The following TNPO1 variants were observed in gnomAD, a reference collection of about 807,000 sequenced individuals.
The protein encoded by TNPO1 is transportin 1.
A neutral mutation model predicts 119.5 loss-of-function variants in TNPO1; 8 were observed. The observed-to-expected ratio is 0.07, with a 90% CI of 0.04 to 0.12. The LOEUF (loss-of-function observed/expected upper bound fraction) is 0.12, where lower values mean the gene tolerates loss of function less well. TNPO1 is among the 10% of genes least tolerant of loss of function. The pLI is 1.00. For missense variants in TNPO1, 576 were observed against 1,089.8 expected, an observed-to-expected ratio of 0.53 and a Z score of 6.64; for synonymous variants, 362 against 363.0, an observed-to-expected ratio of 1.00 and a Z score of 0.03.
At chr5:72,844,870 T>G (rs887570246) in intron 1 of TNPO1, among the ~76,000 whole-genome samples, 1 of 152,212 alleles carries the variant, frequency 6.6e-6, no homozygotes, top group African/African-American at 2.4e-5. Context: ...CCAGTCTGGC[T>G]TCTTTACTTC....
At chr5:72,903,810 C>G (rs775464289) in intron 23 of TNPO1, 27 bp downstream of exon 23, 64 of 1,398,252 alleles carry the variant, frequency 4.6e-5, no homozygotes, top group Non-Finnish European at 6.3e-5. Flanking sequence ...TATAATGCAT[C>G]ATCTTGAGAC....
At chr5:72,841,115 C>T (rs1184354628) in intron 1 of TNPO1, among the ~76,000 whole-genome samples, 1 of 111,718 alleles carries the variant, frequency 9.0e-6, no homozygotes, top group Non-Finnish European at 2.1e-5. Context: ...TTTAGACTCT[C>T]TCTCTTTTTT....
intron 1 of TNPO1, among the ~76,000 whole-genome samples, chr5:72,835,781 C>T (rs1744670278): frequency 6.6e-6 from 1 of 152,120 alleles, no homozygotes; most frequent in Non-Finnish European, 1.5e-5. Context: ...TAACTCGTTC[C>T]AGCATTAATT....
chr5:72,900,761 G>GA, intron 21 of TNPO1: 1 of 355,570 alleles, frequency 2.8e-6, no homozygotes, highest in East Asian at 4.5e-5. Context: ...AATTTATTAA[G>GA]AAAATGTGGA....
At chr5:72,869,809 G>A (rs1318537341) in intron 6 of TNPO1, among the ~76,000 whole-genome samples, 1 of 152,176 alleles carries the variant, frequency 6.6e-6, no homozygotes, top group African/African-American at 2.4e-5. Flanking sequence ...GTATCAGACA[G>A]ATCTAATTAA....
intron 5 of TNPO1, among the ~76,000 whole-genome samples, chr5:72,862,992 TTGTGTGTGTGTGTGTG>T (rs71614493): frequency 4.1e-5 from 6 of 144,772 alleles, no homozygotes; most frequent in Non-Finnish European, 9.0e-5. Context: ...CTGTGGGTTT[TTGTGTGTGTGTGTGTG>T]TGTGTGTGTG....
chr5:72,858,054 T>C (rs574366728), intron 4 of TNPO1, among the ~76,000 whole-genome samples: 1 of 152,380 alleles, frequency 6.6e-6, no homozygotes, highest in East Asian at 1.9e-4. Context: ...AAGTAGATAC[T>C]TAAGTATTCT....
chr5:72,887,045 A>T (rs1223131378), intron 11 of TNPO1, 25 bp from the exon 12 acceptor site: 1 of 1,592,340 alleles, frequency 6.3e-7, no homozygotes, highest in Non-Finnish European at 8.5e-7. Flanking sequence ...TTAATGTAAT[A>T]TTTTTGAATT....
chr5:72,830,715 A>G (rs1744419490), intron 1 of TNPO1, among the ~76,000 whole-genome samples: 2 of 152,302 alleles, frequency 1.3e-5, no homozygotes, highest in South Asian at 4.1e-4. Context: ...ACATGAAATT[A>G]TTTTTTAAAT....
chr5:72,893,670 A>G lies in TNPO1; in HGVS notation c.2110A>G (p.Lys704Glu). 1.2e-6 allele frequency: 2 copies of G among 1,614,236 alleles called. No individual in the cohort carries two copies. Among genetic ancestry groups the G allele is most frequent in the Non-Finnish European group, 1.7e-6 (2 of 1,180,042 alleles). Residue 704 changes from lysine (K) to glutamate (E), a missense_variant, in exon 18 of 25, where the codon AAA becomes GAA. Coordinates refer to ENST00000337273, the MANE Select transcript of TNPO1 (RefSeq NM_002270.4). ...TTTTGCCCTGTTAGGTGACCTCACA[A>G]AAGCTTGCTTTCAGCATGTTAAGCC... ...SSFALLGDLT[K>E]ACFQHVKPCI... is the part of the protein sequence containing the mutation.
chr5:72,868,321 A>G (rs558544634), intron 6 of TNPO1, among the ~76,000 whole-genome samples: 1 of 149,352 alleles, frequency 6.7e-6, no homozygotes, highest in Non-Finnish European at 1.5e-5. Context: ...AGTCCCAGCA[A>G]CTCGGGAGGC....
chr5:72,886,593 T>C (rs1485391519), intron 11 of TNPO1, among the ~76,000 whole-genome samples: 2 of 152,158 alleles, frequency 1.3e-5, no homozygotes, highest in Admixed American at 6.5e-5. Context: ...ATAAAAAATA[T>C]TCATCTTAAT....
chr5:72,903,858 CAT>C, intron 23 of TNPO1, 75 bp downstream of exon 23: 1 of 1,039,970 alleles, frequency 9.6e-7, no homozygotes. Flanking sequence ...ATTATGTTTA[CAT>C]TTTTTGTGAA....
At chr5:72,832,145 G>A (rs1744503628) in intron 1 of TNPO1, among the ~76,000 whole-genome samples, 2 of 151,956 alleles carry the variant, frequency 1.3e-5, no homozygotes, top group Admixed American at 1.3e-4. Context: ...AAATGTATAT[G>A]GCTCAATATA....
chr5:72,855,902 C>G lies in TNPO1; in HGVS notation c.334C>G (p.Pro112Ala). ...ECLNNIGDSS[P>A]LIRATVGILI... ...TTTAAATAATATTGGTGACTCCTCT[C>G]CTCTGATTAGAGCCACTGTTGGTAA... Residue 112 changes from proline to alanine, a missense_variant, in exon 4 of 25, where the codon CCT becomes GCT. Pro to Ala is a conservative substitution (Grantham distance 27). This residue lies in a region of TNPO1 where 310 missense variants were observed against 583.0 expected (regional missense o/e 0.53). Transcript: ENST00000337273. 1 of 1,613,616 alleles carries G rather than the reference C, an allele frequency of 6.2e-7. No homozygotes were observed. The highest frequency in any genetic ancestry group is 8.5e-7 in the Non-Finnish European group (1 of 1,179,838).
At chr5:72,885,694 A>G (rs1321766276) in intron 11 of TNPO1, among the ~76,000 whole-genome samples, 1 of 150,530 alleles carries the variant, frequency 6.6e-6, no homozygotes, top group African/African-American at 2.4e-5. Context: ...ATTGATGGGT[A>G]AGGTGTTAAT....
intron 7 of TNPO1, among the ~76,000 whole-genome samples, chr5:72,873,041 A>G (rs1216434125): frequency 6.6e-6 from 1 of 152,068 alleles, no homozygotes; most frequent in Non-Finnish European, 1.5e-5. Flanking sequence ...ATGGAAACCA[A>G]GTCCCTCAGC....
chr5:72,884,749 A>G (rs548594371), intron 11 of TNPO1, among the ~76,000 whole-genome samples: 1 of 151,764 alleles, frequency 6.6e-6, no homozygotes, highest in African/African-American at 2.4e-5. Context: ...GGGCCACATA[A>G]TTCTTTTTTT....
At chr5:72,862,840 G>T (rs1746563504) in intron 5 of TNPO1, among the ~76,000 whole-genome samples, 1 of 151,952 alleles carries the variant, frequency 6.6e-6, no homozygotes, top group Non-Finnish European at 1.5e-5. Flanking sequence ...TAGAGACAGA[G>T]TTTCACCATG....
Sources: allele counts gnomAD v4.1 joint callset (sites outside exome capture counted in the v4.1 genomes callset), GRCh38; gene constraint gnomAD v4.1.1; regional missense constraint gnomAD v4.1.1; transcripts MANE v1.5; gene names NCBI Gene and HGNC (gene_info 2026-07-23, HGNC 2026-07-21).